Variants in NUP62CL observed in about 807,000 individuals in gnomAD.
The protein encoded by NUP62CL is nucleoporin 62 C-terminal like.
NUP62CL carries 13 observed loss-of-function variants against 15.3 expected under a neutral mutation model. The ratio of observed to expected loss-of-function variants is 0.85; its 90% CI spans 0.55 to 1.35. The LOEUF is 1.35. Ranked by LOEUF, NUP62CL falls within the 40% of genes most tolerant of loss-of-function variation. NUP62CL has a pLI of 0.00. For missense variants in NUP62CL, 123 were observed against 130.6 expected (o/e 0.94, Z 0.28); for synonymous variants, 54 against 49.2 (o/e 1.10, Z -0.41).
chrX:107,152,386 G>T (rs747167790), intron 7 of NUP62CL, among the ~76,000 whole-genome samples: 42 of 108,501 alleles, frequency 3.9e-4, no homozygotes, highest in Non-Finnish European at 6.5e-4. Flanking sequence ...ACTGATTTAG[G>T]TTAGTATAGA....
chrX:107,130,755 A>C (rs1602634019), intron 8 of NUP62CL, among the ~76,000 whole-genome samples: 1 of 111,986 alleles, frequency 8.9e-6, no homozygotes, highest in East Asian at 2.8e-4. Flanking sequence ...ATAGAAAACT[A>C]AGTAAATAAA....
Position 107,165,187 on chromosome X carries a change from T to C in NUP62CL, c.194+2462A>G, listed in dbSNP as rs193109132. Among the ~76,000 whole-genome samples the C allele has an allele frequency of 1.1e-4, 12 of 109,914 alleles. No individual in the cohort carries two copies. In the East Asian group the frequency reaches 3.1e-3, roughly 29 times the overall value. ...GGTGGCGGGAGCTTGTAATCCCAGCTACTCAGGAGGCCTCGGCTGAGGCAG... is the reference window on the plus strand; with the variant it reads ...GGTGGCGGGAGCTTGTAATCCCAGCCACTCAGGAGGCCTCGGCTGAGGCAG... On this transcript the variant is annotated intron_variant, in intron 4 of 8. Transcript: ENST00000372466.
At chrX:107,194,811 CTTTT>C (rs1174813324) in intron 1 of NUP62CL, among the ~76,000 whole-genome samples, 1,817 of 45,971 alleles carry the variant, frequency 0.04, 40 homozygotes, top group African/African-American at 0.16. Context: ...TTCTTTCTCT[CTTTT>C]TTTTTTTTTT....
intron 7 of NUP62CL, among the ~76,000 whole-genome samples, chrX:107,152,085 TATATATATATTCAG>T (rs1295259450): frequency 5.1e-5 from 4 of 78,364 alleles, no homozygotes; most frequent in African/African-American, 1.1e-4. Flanking sequence ...TTCAGATATA[TATATATATATTCAG>T]ATATATATAT....
chrX:107,196,118 G>T (rs1215545205), intron 1 of NUP62CL, among the ~76,000 whole-genome samples: 1 of 110,742 alleles, frequency 9.0e-6, no homozygotes, highest in Non-Finnish European at 1.9e-5. Flanking sequence ...TATTCTTTTG[G>T]AAATAATTTA....
intron 1 of NUP62CL, among the ~76,000 whole-genome samples, chrX:107,196,954 C>G (rs1171436105): frequency 8.9e-6 from 1 of 111,929 alleles, no homozygotes; most frequent in African/African-American, 3.2e-5. Flanking sequence ...TTTTTCTATT[C>G]CCTTGTTTTC....
intron 8 of NUP62CL, among the ~76,000 whole-genome samples, chrX:107,141,307 A>G (rs1192918005): frequency 8.9e-6 from 1 of 112,345 alleles, no homozygotes; most frequent in Admixed American, 9.4e-5. Flanking sequence ...AAGGTGTGAC[A>G]AAAAATCTAT....
At chrX:107,155,531 G>A (rs756155583) in intron 4 of NUP62CL, among the ~76,000 whole-genome samples, 2 of 111,860 alleles carry the variant, frequency 1.8e-5, no homozygotes, top group Non-Finnish European at 1.9e-5. Flanking sequence ...GGGGCTAAGC[G>A]GGAAGCAGTT....
chrX:107,162,848 TTA>T lies in NUP62CL; in HGVS notation c.194+4799_194+4800del, dbSNP rs1926422189. ...GGGCCTGGGGGAGGATCATCAGGCA[TTA>T]GATTCTCATCAGGAGCGCACAACCT... On this transcript the variant is annotated intron_variant, in intron 4 of 8. Transcript: ENST00000372466. Among the ~76,000 whole-genome samples, 4 of 111,637 alleles carry T rather than the reference TTA, an allele frequency of 3.6e-5. No individual in the cohort carries two copies. The South Asian group carries it at 1.5e-3, about 42-fold the overall frequency.
intron 2 of NUP62CL, among the ~76,000 whole-genome samples, chrX:107,189,864 AGG>A (rs1198149330): frequency 3.6e-5 from 3 of 83,345 alleles, no homozygotes; most frequent in African/African-American, 9.2e-5. Context: ...GAAGGAAGGA[AGG>A]AAAAAGAAAG....
intron 2 of NUP62CL, among the ~76,000 whole-genome samples, chrX:107,180,949 T>C (rs1439086310): frequency 1.9e-5 from 2 of 103,261 alleles, no homozygotes; most frequent in African/African-American, 7.1e-5. Flanking sequence ...GAGTCTCGCT[T>C]TGTCACCCAG....
In NUP62CL at chrX:107,191,579, A is replaced by G. The variant is rs187420131; in HGVS notation, c.-48+1450T>C. Among the ~76,000 whole-genome samples, 4 of 110,443 alleles carry G rather than the reference A, an allele frequency of 3.6e-5. No individual in the cohort carries two copies. The Admixed American group carries it at 3.9e-4, about 11-fold the overall frequency. ...AAAAATTAGCCGGGCACAGTAGCGC[A>G]TGCCTGTAATCCCAGCTACTCAGGA... On this transcript the variant is annotated intron_variant, in intron 2 of 8. Coordinates refer to ENST00000372466, the MANE Select transcript of NUP62CL (RefSeq NM_017681.3).
At chrX:107,170,787 A>G (rs1323879887) in intron 3 of NUP62CL, among the ~76,000 whole-genome samples, 2 of 112,225 alleles carry the variant, frequency 1.8e-5, no homozygotes, top group African/African-American at 6.5e-5. Context: ...ACTCTGGCAT[A>G]TTCAAATAAT....
chrX:107,170,821 G>A (rs756757892), intron 3 of NUP62CL, among the ~76,000 whole-genome samples: 23 of 112,162 alleles, frequency 2.1e-4, no homozygotes, highest in African/African-American at 6.8e-4. Flanking sequence ...CCAAATAAAG[G>A]AATGGGTTTG....
intron 8 of NUP62CL, among the ~76,000 whole-genome samples, chrX:107,143,006 A>G (rs1368434297): frequency 8.9e-6 from 1 of 111,756 alleles, no homozygotes; most frequent in East Asian, 2.8e-4. Flanking sequence ...GAAATATCAA[A>G]TGTAAAAACT....
At chrX:107,155,301 G>A (rs903812994) in intron 4 of NUP62CL, among the ~76,000 whole-genome samples, 4 of 112,379 alleles carry the variant, frequency 3.6e-5, no homozygotes, top group African/African-American at 1.3e-4. Flanking sequence ...AAACAAAGTA[G>A]TTGACATTAT....
intron 4 of NUP62CL, among the ~76,000 whole-genome samples, chrX:107,163,669 T>C (rs1481592943): frequency 8.9e-6 from 1 of 111,767 alleles, no homozygotes; most frequent in Non-Finnish European, 1.9e-5. Flanking sequence ...ATGGAAAGAA[T>C]GTACCATGCA....
At chrX:107,201,803 A>G (rs1376501086) in intron 1 of NUP62CL, among the ~76,000 whole-genome samples, 4 of 109,861 alleles carry the variant, frequency 3.6e-5, no homozygotes, top group Non-Finnish European at 7.6e-5. Flanking sequence ...GGTGGTGCGC[A>G]CCTGTAGACC....
chrX:107,136,899 T>G (rs767419437), intron 8 of NUP62CL, among the ~76,000 whole-genome samples: 10 of 110,856 alleles, frequency 9.0e-5, no homozygotes, highest in African/African-American at 3.3e-4. Flanking sequence ...AAACTCTGTC[T>G]CTACTAAAAA....
Sources: gnomAD v4.1 joint callset for allele counts (sites outside exome capture counted in the v4.1 genomes callset) on GRCh38, gnomAD v4.1.1 for gene constraint, MANE v1.5 for transcripts, NCBI Gene and HGNC (gene_info 2026-07-23, HGNC 2026-07-21) for gene names.